The following TPD52 variants were observed in gnomAD, a reference collection of about 807,000 sequenced individuals.
The protein encoded by TPD52 is prostate and colon associated protein.
A neutral mutation model predicts 31.3 loss-of-function variants in TPD52; 17 were observed. That is an observed-to-expected ratio of 0.54 (90% CI 0.37 to 0.82). The LOEUF (loss-of-function observed/expected upper bound fraction) is 0.82, where lower values mean the gene tolerates loss of function less well. TPD52 is among the 40% of genes least tolerant of loss of function. The probability of loss-of-function intolerance (pLI) is 0.00; values close to 1 mark genes in which losing one functional copy is unlikely to be tolerated. For missense variants in TPD52, 212 were observed against 240.1 expected (o/e 0.88, Z 0.77); for synonymous variants, 83 against 89.6 (o/e 0.93, Z 0.42).
intron 7 of TPD52, among the ~76,000 whole-genome samples, chr8:80,041,153 G>A (rs775371640): frequency 6.6e-6 from 1 of 152,190 alleles, no homozygotes; most frequent in Non-Finnish European, 1.5e-5. Flanking sequence ...GGGGTGGGAT[G>A]GTAGGGGAGG....
chr8:80,063,346 T>G (rs1222772445), intron 2 of TPD52, among the ~76,000 whole-genome samples: 1 of 152,198 alleles, frequency 6.6e-6, no homozygotes, highest in Non-Finnish European at 1.5e-5. Context: ...AGAAGACAGT[T>G]AAATCCATAG....
At chr8:80,120,331 C>T (rs1292030514) in intron 1 of TPD52, among the ~76,000 whole-genome samples, 1 of 151,948 alleles carries the variant, frequency 6.6e-6, no homozygotes, top group African/African-American at 2.4e-5. Flanking sequence ...TCTACTGAAA[C>T]TGCAAAAATT....
intron 1 of TPD52, among the ~76,000 whole-genome samples, chr8:80,155,242 T>C (rs1233138701): frequency 6.6e-6 from 1 of 152,202 alleles, no homozygotes; most frequent in Non-Finnish European, 1.5e-5. Flanking sequence ...AAATGTTGTG[T>C]GTGTTCTGAC....
At chr8:80,051,801 G>A (rs1470806101) in intron 3 of TPD52, 173 bp from the exon 4 acceptor site, 2 of 568,928 alleles carry the variant, frequency 3.5e-6, no homozygotes, top group Admixed American at 3.5e-5. Context: ...CCACATCTTC[G>A]TATGCTCAAC....
chr8:80,127,787 A>AACACACACAC (rs368085372), intron 1 of TPD52: 2 of 139,448 alleles, frequency 1.4e-5, no homozygotes, highest in Non-Finnish European at 3.1e-5. Flanking sequence ...TTTCTAAATA[A>AACACACACAC]ACACACACAC....
chr8:80,137,994 G>GA (rs1380529308), intron 1 of TPD52, among the ~76,000 whole-genome samples: 1 of 151,770 alleles, frequency 6.6e-6, no homozygotes, highest in African/African-American at 2.4e-5. Context: ...GCCCAGGCTG[G>GA]AGTGCAATGG....
chr8:80,127,787 A>AACACACACACAC (rs368085372), intron 1 of TPD52: 1 of 139,448 alleles, frequency 7.2e-6, no homozygotes, highest in Non-Finnish European at 1.5e-5. Flanking sequence ...TTTCTAAATA[A>AACACACACACAC]ACACACACAC....
intron 2 of TPD52, among the ~76,000 whole-genome samples, chr8:80,056,910 T>C (rs1811953921): frequency 6.6e-6 from 1 of 152,208 alleles, no homozygotes; most frequent in Non-Finnish European, 1.5e-5. Flanking sequence ...GGCTCACGGC[T>C]GTAATCCCAG....
At chr8:80,072,168 C>T (rs1036695831) in intron 1 of TPD52, among the ~76,000 whole-genome samples, 1 of 152,122 alleles carries the variant, frequency 6.6e-6, no homozygotes, top group Non-Finnish European at 1.5e-5. Context: ...ATTAGCTGGG[C>T]GTGGTGGCGT....
At chr8:80,132,825 G>T (rs1809115941) in intron 1 of TPD52, among the ~76,000 whole-genome samples, 1 of 152,136 alleles carries the variant, frequency 6.6e-6, no homozygotes. Context: ...AGAAACATGG[G>T]TCTCCTGCCT....
At chr8:80,168,727 T>C (rs1811873214) in intron 1 of TPD52, among the ~76,000 whole-genome samples, 1 of 152,204 alleles carries the variant, frequency 6.6e-6, no homozygotes, top group African/African-American at 2.4e-5. Context: ...CACTGCCTTA[T>C]CAGCAACTCT....
intron 1 of TPD52, among the ~76,000 whole-genome samples, chr8:80,164,934 T>C (rs1308106913): frequency 2.3e-5 from 3 of 128,602 alleles, no homozygotes; most frequent in East Asian, 2.1e-4. Context: ...AAAAGAGCTA[T>C]TAGTATTTCT....
chr8:80,056,142 G>A (rs1811854672), intron 2 of TPD52, among the ~76,000 whole-genome samples: 1 of 152,130 alleles, frequency 6.6e-6, no homozygotes, highest in East Asian at 1.9e-4. Flanking sequence ...ACAGGTGAAT[G>A]GATAAAGAAA....
intron 7 of TPD52, 200 bp downstream of exon 7, chr8:80,042,420 G>A: frequency 1.0e-6 from 1 of 985,454 alleles, no homozygotes; most frequent in South Asian, 4.7e-5. Context: ...CATGTGGCAT[G>A]CTGCCACACT....
chr8:80,074,017 T>C (rs1429897893), intron 1 of TPD52, among the ~76,000 whole-genome samples: 1 of 151,906 alleles, frequency 6.6e-6, no homozygotes, highest in Admixed American at 6.6e-5. Flanking sequence ...CAAAATGGAG[T>C]CTAAGATATC....
rs776564816 is a variant in TPD52 at position 80,064,488 on chromosome 8, T to C, written c.125A>G (p.Glu42Gly). ...GGAATGGTTCTTTACCTTTGCAAGT[T>C]CTCTTCTTAGCTCTTCCTGCTCCTC... Reference protein sequence around the residue: ...SEEEQEELRRELAKVEEEIQT... With the variant: ...SEEEQEELRRGLAKVEEEIQT... The change falls in exon 2 of 8, where the codon GAA becomes GGA. Residue 42 changes from glutamate to glycine, a missense_variant. Coordinates refer to ENST00000518937, the MANE Select transcript of TPD52 (RefSeq NM_001025253.3). 2 of 1,613,804 alleles carry C rather than the reference T, an allele frequency of 1.2e-6. No individual in the cohort carries two copies. The highest frequency in any genetic ancestry group is 2.2e-5 in the East Asian group (1 of 44,872).
chr8:80,134,577 T>C (rs1809257396), intron 1 of TPD52, among the ~76,000 whole-genome samples: 1 of 152,210 alleles, frequency 6.6e-6, no homozygotes, highest in South Asian at 2.1e-4. Context: ...CTGTGCCCAC[T>C]TGTGAAGGGA....
intron 1 of TPD52, among the ~76,000 whole-genome samples, chr8:80,128,494 C>CAAA (rs3053828): frequency 7.2e-5 from 6 of 83,126 alleles, no homozygotes; most frequent in African/African-American, 3.2e-4. Flanking sequence ...CCTGTCTCTA[C>CAAA]AAAAAAAAAA....
chr8:80,085,213 G>C (rs1053657906), intron 1 of TPD52, among the ~76,000 whole-genome samples: 1 of 152,204 alleles, frequency 6.6e-6, no homozygotes, highest in African/African-American at 2.4e-5. Flanking sequence ...CCAGCAGAGG[G>C]AGCCCAAGGG....
Sources: gnomAD v4.1 joint callset for allele counts (sites outside exome capture counted in the v4.1 genomes callset) on GRCh38, gnomAD v4.1.1 for gene constraint, MANE v1.5 for transcripts, NCBI Gene and HGNC (gene_info 2026-07-23, HGNC 2026-07-21) for gene names.